Variants in RRM2 observed in about 807,000 individuals in gnomAD.
RRM2 encodes the protein ribonucleotide reductase regulatory subunit M2, also known as ribonucleoside-diphosphate reductase subunit M2.
In RRM2, 6 loss-of-function variants were observed where a neutral mutation model predicts 45.9. That is an observed-to-expected ratio of 0.13 (90% confidence interval 0.07 to 0.26). The LOEUF is 0.26. Among genes scored for constraint, RRM2 ranks in the 10% least tolerant of loss-of-function variants. The pLI, the probability that RRM2 is intolerant of heterozygous loss-of-function variation, is 1.00. For synonymous variants in RRM2, 177 were observed against 173.0 expected (o/e 1.02, Z -0.18); for missense variants, 343 against 489.5 (o/e 0.70, Z 2.82).
chr2:10,130,462 A>C lies in RRM2; in HGVS notation c.*1076A>C, dbSNP rs928564013. ...TCTGTTAAATCAGAAATTTTTTATT[A>C]TCTATGTTCTTCTAGATTTTACCTG... On this transcript the variant is annotated 3_prime_UTR_variant, in exon 10 of 10. Transcript: ENST00000304567. 4.6e-5 allele frequency: 7 copies of C among 152,006 alleles called. No individual in the cohort carries two copies. Among genetic ancestry groups the C allele is most frequent in the Non-Finnish European group, 1.0e-4 (7 of 68,026 alleles). 9.4% of individuals were successfully genotyped at this position (152,006 alleles called of 1,614,324 possible).
chr2:10,208,785 A>G (rs1054884400), intron 3 of RRM2, among the ~76,000 whole-genome samples: 1 of 152,078 alleles, frequency 6.6e-6, no homozygotes, highest in Admixed American at 6.5e-5. Context: ...TCCTGATGTG[A>G]GCCTATCTCA....
intron 3 of RRM2, among the ~76,000 whole-genome samples, chr2:10,151,400 C>T (rs1168681362): frequency 4.0e-5 from 6 of 151,038 alleles, no homozygotes; most frequent in South Asian, 2.1e-4. Flanking sequence ...TTGGTTCAAG[C>T]GATTCTCCTG....
intron 3 of RRM2, among the ~76,000 whole-genome samples, chr2:10,192,127 C>A (rs1263498211): frequency 2.0e-5 from 3 of 151,702 alleles, no homozygotes; most frequent in African/African-American, 4.9e-5. Flanking sequence ...CTCCCGGAGC[C>A]GCAGCCACCG....
chr2:10,129,372 G>A lies in RRM2; in HGVS notation c.1156G>A (p.Asp386Asn). 6.2e-7 allele frequency: 1 copy of A among 1,610,196 alleles called. No homozygotes were observed. The highest frequency in any genetic ancestry group is 8.5e-7 in the Non-Finnish European group (1 of 1,178,942). ...SSPTENSFTL[D>N]ADF ...TCCAACAGAGAATTCTTTTACCTTG[G>A]ATGCTGACTTCTAAATGAACTGAAG... The change falls in exon 10 of 10, where the codon GAT becomes AAT. Residue 386 changes from aspartate (D) to asparagine (N), a missense_variant. Asp to Asn is a conservative substitution (Grantham distance 23). Coordinates refer to ENST00000304567, the MANE Select transcript of RRM2 (RefSeq NM_001034.4). This position sits in a 1 kb window ranked among gnomAD's most constrained non-coding sequence, Gnocchi z 4.8.
chr2:10,141,833 CT>C, intron 1 of RRM2: 1 of 1,552,764 alleles, frequency 6.4e-7, no homozygotes, highest in Non-Finnish European at 8.7e-7. Flanking sequence ...TCACTGAGCC[CT>C]CCTGTATGCA....
At chr2:10,178,636 A>T (rs1359850050) in intron 3 of RRM2, among the ~76,000 whole-genome samples, 2 of 152,218 alleles carry the variant, frequency 1.3e-5, no homozygotes, top group Non-Finnish European at 2.9e-5. Context: ...CATGGAATCA[A>T]GCAACTAGTA....
chr2:10,168,634 C>T (rs868683450), intron 3 of RRM2, among the ~76,000 whole-genome samples: 1 of 152,202 alleles, frequency 6.6e-6, no homozygotes, highest in Non-Finnish European at 1.5e-5. Context: ...TCCTATGCAT[C>T]CCTACCTGCT....
Position 10,185,700 on chromosome 2 carries a change from T to G in RRM2, n.483-24611T>G, listed in dbSNP as rs912456784. Among the ~76,000 whole-genome samples, 2 of 152,348 alleles carry G rather than the reference T, an allele frequency of 1.3e-5. No homozygotes were observed. The highest frequency in any genetic ancestry group is 2.9e-5 in the Non-Finnish European group (2 of 68,032). ...CAAATGTATATTTTTTGTGCCCCTGTGTCTCCCCTTCCTTGCCTTTCAAAC... is the reference window on the plus strand; with the variant it reads ...CAAATGTATATTTTTTGTGCCCCTGGGTCTCCCCTTCCTTGCCTTTCAAAC... On this transcript the variant is annotated intron_variant and non_coding_transcript_variant, in intron 3 of 3. Coordinates refer to the RRM2 transcript ENST00000381786. This position sits in a 1 kb window ranked among gnomAD's most constrained non-coding sequence, Gnocchi z 4.3.
chr2:10,140,102 C>T (rs1663053330), upstream of RRM2, among the ~76,000 whole-genome samples: 1 of 151,700 alleles, frequency 6.6e-6, no homozygotes, highest in African/African-American at 2.4e-5. Flanking sequence ...CAGAAATTAG[C>T]TGGGCGTGGT....
At chr2:10,165,623 T>G in intron 3 of RRM2, among the ~76,000 whole-genome samples, 1 of 152,346 alleles carries the variant, frequency 6.6e-6, no homozygotes, top group East Asian at 1.9e-4. Flanking sequence ...GGAAGTGTAA[T>G]GTGCCCACAG....
At chr2:10,134,990 C>T (rs1662966129), downstream of RRM2, among the ~76,000 whole-genome samples, 1 of 152,156 alleles carries the variant, frequency 6.6e-6, no homozygotes, top group South Asian at 2.1e-4. Flanking sequence ...ACAAAAAGAA[C>T]AATCATTAAA....
chr2:10,188,233 C>T (rs75600313), intron 3 of RRM2, among the ~76,000 whole-genome samples: 2,927 of 152,282 alleles, frequency 0.019, 100 homozygotes, highest in East Asian at 0.11. Context: ...GGTGCTCCCT[C>T]GGTGTCTGTC....
chr2:10,124,712 AC>A lies in RRM2; in HGVS notation c.436-4del. 1 of 1,611,414 alleles carries A rather than the reference AC, an allele frequency of 6.2e-7. No individual in the cohort carries two copies. Among genetic ancestry groups the A allele is most frequent in the Non-Finnish European group, 8.5e-7 (1 of 1,179,728 alleles). On this transcript the variant is annotated splice_region_variant and splice_polypyrimidine_tract_variant and intron_variant, in intron 4 of 9. Coordinates refer to ENST00000304567, the MANE Select transcript of RRM2 (RefSeq NM_001034.4). ...AAGCTTAACTTTGATGTGTTTTGCCACTAGGTGGAGCGATTTAGCCAAGAAG... is the reference window on the plus strand; with the variant it reads ...AAGCTTAACTTTGATGTGTTTTGCCATAGGTGGAGCGATTTAGCCAAGAAG...
intron 3 of RRM2, among the ~76,000 whole-genome samples, chr2:10,184,122 C>CAAAAAAAAAAAAAA: frequency 1.5e-5 from 1 of 64,772 alleles, no homozygotes; most frequent in Non-Finnish European, 3.4e-5. Context: ...AAAAAAAAAG[C>CAAAAAAAAAAAAAA]AAAAAAGCAG....
chr2:10,199,775 G>T (rs1664499752), intron 3 of RRM2, among the ~76,000 whole-genome samples: 2 of 6,244 alleles, frequency 3.2e-4, no homozygotes, highest in South Asian at 0.012. Context: ...GTGAGACTCA[G>T]TCTCAAAAAA....
intron 3 of RRM2, among the ~76,000 whole-genome samples, chr2:10,147,960 C>T (rs1233425530): frequency 1.3e-5 from 2 of 151,942 alleles, no homozygotes; most frequent in Admixed American, 6.6e-5. Context: ...GCCTGGCCAA[C>T]ATGGTGAAAC....
At chr2:10,170,599 C>T (rs1290560036) in intron 3 of RRM2, among the ~76,000 whole-genome samples, 1 of 152,066 alleles carries the variant, frequency 6.6e-6, no homozygotes, top group Non-Finnish European at 1.5e-5. Context: ...AGGGTGACTG[C>T]GGTCATTTGG....
rs753051349 is a variant in RRM2 at position 10,122,888 on chromosome 2, G to C, written c.90G>C (p.Lys30Asn). The C allele has an allele frequency of 1.4e-4, 220 of 1,591,604 alleles. No individual in the cohort carries two copies. Among genetic ancestry groups the C allele is most frequent in the Admixed American group, 4.6e-4 (26 of 56,534 alleles). The part of the protein sequence containing the change: ...SPLKGLSLVD[K>N]ENTPPALSGT... ...TGAAGGGGCTCAGCTTGGTCGACAA[G>C]GAGAACACGGTGAGCCCGCGGGGAG... Residue 30 changes from lysine (K) to asparagine (N), a missense_variant, in exon 1 of 10, where the codon AAG becomes AAC. Lys to Asn is a moderately conservative substitution (Grantham distance 94). Around this residue, in one of 2 missense-constraint regions of RRM2, gnomAD observed 131 missense variants for 121.4 expected, o/e 1.08. Coordinates refer to ENST00000304567, the MANE Select transcript of RRM2 (RefSeq NM_001034.4).
intron 3 of RRM2, among the ~76,000 whole-genome samples, chr2:10,190,415 G>C (rs962346477): frequency 7.2e-6 from 1 of 138,998 alleles, no homozygotes; most frequent in African/African-American, 2.7e-5. Flanking sequence ...GTGGTGATGG[G>C]GGGGTTGGTG....
Sources: allele counts gnomAD v4.1 joint callset (sites outside exome capture counted in the v4.1 genomes callset), GRCh38; gene constraint gnomAD v4.1.1; regional missense constraint gnomAD v4.1.1; non-coding constraint Gnocchi (gnomAD v3.1); transcripts MANE v1.5; gene names NCBI Gene and HGNC (gene_info 2026-07-23, HGNC 2026-07-21).